Variants in R3HDM2 observed in about 807,000 individuals in gnomAD.
The protein encoded by R3HDM2 is R3H domain-containing protein 2.
A neutral mutation model predicts 124.5 loss-of-function variants in R3HDM2; 38 were observed. The ratio of observed to expected loss-of-function variants is 0.31; its 90% CI spans 0.24 to 0.40. The LOEUF (loss-of-function observed/expected upper bound fraction) is 0.40, where lower values mean the gene tolerates loss of function less well. R3HDM2 is among the 10% of genes least tolerant of loss of function. R3HDM2 has a pLI of 1.00. For synonymous variants in R3HDM2, 391 were observed against 448.0 expected (o/e 0.87, Z 1.61); for missense variants, 869 against 1,236.9 (o/e 0.70, Z 4.46).
chr12:57,287,902 T>A (rs904517452), intron 12 of R3HDM2, among the ~76,000 whole-genome samples: 1 of 151,974 alleles, frequency 6.6e-6, no homozygotes, highest in African/African-American at 2.4e-5. Context: ...TGGAGGACAC[T>A]GGGAACTGGG....
Position 57,296,263 on chromosome 12 carries a change from C to G in R3HDM2, c.701+148G>C, listed in dbSNP as rs2049859253. On this transcript the variant is annotated intron_variant, in intron 9 of 23. Transcript: ENST00000402412. The surrounding 1 kb of genome is among the most constrained non-coding windows in gnomAD (Gnocchi z 4.5). Reference sequence around the variant, plus strand: ...GAACTCCTGGCTTCAAGCAGTCTTCCCATCTTGGCCTCCCAAAGTGCTGGG... The same window carrying G: ...GAACTCCTGGCTTCAAGCAGTCTTCGCATCTTGGCCTCCCAAAGTGCTGGG... 1 of 846,362 alleles carries G rather than the reference C, an allele frequency of 1.2e-6. No individual in the cohort carries two copies. Among genetic ancestry groups the G allele is most frequent in the Non-Finnish European group, 1.8e-6 (1 of 551,436 alleles). 52.4% of individuals were successfully genotyped at this position (846,362 alleles called of 1,614,324 possible).
Position 57,254,008 on chromosome 12 carries a change from T to A in R3HDM2, c.*765A>T. The A allele has an allele frequency of 2.5e-6, 1 of 394,506 alleles. No individual in the cohort carries two copies. The highest frequency in any genetic ancestry group is 3.8e-5 in the Admixed American group (1 of 26,616). The allele number at this position is 394,506 out of a possible 1,614,324, so 24.4% of individuals were successfully genotyped here. ...CTCTGTGGGGTCTAGGAAGACAAGATGGGGAAGTGAGAGAATGGGGCAATC... is the reference window on the plus strand; with the variant it reads ...CTCTGTGGGGTCTAGGAAGACAAGAAGGGGAAGTGAGAGAATGGGGCAATC... On this transcript the variant is annotated 3_prime_UTR_variant, in exon 24 of 24. Transcript: ENST00000402412.
In R3HDM2 at chr12:57,280,522, G is replaced by A; in HGVS notation, c.1180C>T (p.Leu394=). The A allele has an allele frequency of 1.2e-6, 2 of 1,602,238 alleles. No individual in the cohort carries two copies. Among genetic ancestry groups the A allele is most frequent in the Non-Finnish European group, 8.5e-7 (1 of 1,173,808 alleles). ...AGRISRPGMA[L]GAPEVCNQVT... is the part of the protein sequence containing the mutation. ...TGGTTGCACACTTCTGGGGCACCTA[G>A]TGCCATACCTAAGGCAAAGAAGAAA... The change falls in exon 14 of 24, where the codon CTA becomes TTA. Residue 394 remains leucine, a synonymous_variant. Transcript: ENST00000402412.
chr12:57,374,731 C>T (rs1271641593), intron 2 of R3HDM2, among the ~76,000 whole-genome samples: 2 of 143,052 alleles, frequency 1.4e-5, no homozygotes, highest in African/African-American at 2.6e-5. Flanking sequence ...CGGTGGCTCA[C>T]GCCTGTAATA....
chr12:57,374,168 A>G (rs2063733573), intron 2 of R3HDM2, among the ~76,000 whole-genome samples: 1 of 151,976 alleles, frequency 6.6e-6, no homozygotes, highest in South Asian at 2.1e-4. Context: ...CACTCTTAAC[A>G]ATGAAAATAC....
intron 2 of R3HDM2, among the ~76,000 whole-genome samples, chr12:57,339,784 G>C (rs115659065): frequency 0.01 from 1,538 of 152,032 alleles, 18 homozygotes; most frequent in African/African-American, 0.036. Context: ...AGATATCAGA[G>C]AGAAGAGAAT....
At chr12:57,277,319 G>A (rs2045064514) in intron 14 of R3HDM2, among the ~76,000 whole-genome samples, 2 of 152,070 alleles carry the variant, frequency 1.3e-5, no homozygotes. Flanking sequence ...ACAATTTGAA[G>A]GCCTGCTTGG....
chr12:57,264,026 T>C (rs2041590561), intron 19 of R3HDM2, among the ~76,000 whole-genome samples: 1 of 152,002 alleles, frequency 6.6e-6, no homozygotes, highest in Admixed American at 6.6e-5. Flanking sequence ...GGGCAGATCA[T>C]GAGGTCAGGA....
At position 57,254,269 on chromosome 12, in the gene R3HDM2, G is replaced by A. The variant is rs868500726; in HGVS notation, c.*504C>T. On this transcript the variant is annotated 3_prime_UTR_variant, in exon 24 of 24. Transcript: ENST00000402412. ...TAATCCCAGCACTCTGGAAGGCCAA[G>A]GCAGGTGGATCACCTGAGGTCAGGA... 6 of 452,272 alleles carry A rather than the reference G, an allele frequency of 1.3e-5. No homozygotes were observed. The highest frequency in any genetic ancestry group is 5.9e-4 in the Middle Eastern group (1 of 1,690). 28.0% of individuals were successfully genotyped at this position (452,272 alleles called of 1,614,324 possible). A position where few individuals can be genotyped will look rare whatever the true frequency, so the allele number is the denominator to read the frequency against.
In R3HDM2 at chr12:57,299,408, T is replaced by C. The variant is rs2050625971; in HGVS notation, c.365A>G (p.Glu122Gly). Reference sequence around the variant, plus strand: ...TTTGTTTTTGTCCTTGTCTTCCTTTTCAGAGACATCTTTTGTGGACTTTTC... The same window carrying C: ...TTTGTTTTTGTCCTTGTCTTCCTTTCCAGAGACATCTTTTGTGGACTTTTC... ...EEEKSTKDVS[E>G]KEDKDKNKEK... Residue 122 changes from glutamate to glycine, a missense_variant, in exon 6 of 24, where the codon GAA (glutamate) becomes GGA (glycine). Transcript: ENST00000402412. 6.5e-7 allele frequency: 1 copy of C among 1,546,236 alleles called. No individual in the cohort carries two copies. Among genetic ancestry groups the C allele is most frequent in the Non-Finnish European group, 8.8e-7 (1 of 1,141,732 alleles).
Position 57,254,582 on chromosome 12 carries a change from C to A in R3HDM2, c.*191G>T, listed in dbSNP as rs2136887683. ...GGTCAACCAGGGAAAAAGAGAGGAC[C>A]CATGGCAGGGGAGCAAGAAGGAGTC... On this transcript the variant is annotated 3_prime_UTR_variant, in exon 24 of 24. Coordinates refer to ENST00000402412, the MANE Select transcript of R3HDM2 (RefSeq NM_001394031.1). 1 of 553,206 alleles carries A rather than the reference C, an allele frequency of 1.8e-6. No individual in the cohort carries two copies. Among genetic ancestry groups the A allele is most frequent in the East Asian group, 3.2e-5 (1 of 31,704 alleles). The allele number at this position is 553,206 out of a possible 1,614,324, so 34.3% of individuals were successfully genotyped here. A position where few individuals can be genotyped will look rare whatever the true frequency, so the allele number is the denominator to read the frequency against.
Position 57,341,386 on chromosome 12 carries a change from C to T in R3HDM2, c.-35-30923G>A, listed in dbSNP as rs189754925. ...TCAAGTCACAGAAGGAAGAACGCAC[C>T]GCTTCAGATGGATTTTTCTTCTTCC... is the stretch of plus-strand genomic sequence containing the variant. On this transcript the variant is annotated intron_variant, in intron 2 of 23. Coordinates refer to ENST00000402412, the MANE Select transcript of R3HDM2 (RefSeq NM_001394031.1). 74 of 982,268 alleles carry T rather than the reference C, an allele frequency of 7.5e-5. No homozygotes were observed. The African/African-American group carries it at 1.1e-3, about 14-fold the overall frequency. The allele number at this position is 982,268 out of a possible 1,614,324, so 60.8% of individuals were successfully genotyped here. A position where few individuals can be genotyped will look rare whatever the true frequency, so the allele number is the denominator to read the frequency against.
intron 1 of R3HDM2, chr12:57,430,452 G>A (rs1015217882): frequency 3.3e-6 from 3 of 918,386 alleles, no homozygotes; most frequent in Non-Finnish European, 3.9e-6. Flanking sequence ...TAGTTTTTAG[G>A]TCACCCCGCA....
intron 2 of R3HDM2, among the ~76,000 whole-genome samples, chr12:57,354,984 CA>C (rs1423137302): frequency 6.6e-6 from 1 of 151,858 alleles, no homozygotes; most frequent in African/African-American, 2.4e-5. Context: ...GCCACCATGC[CA>C]GGCTAGTTTT....
At chr12:57,427,392 C>T (rs1446895930) in intron 1 of R3HDM2, among the ~76,000 whole-genome samples, 1 of 147,362 alleles carries the variant, frequency 6.8e-6, no homozygotes, top group African/African-American at 2.5e-5. Context: ...GTCTGTTGCC[C>T]AGGCTGGAGT....
At chr12:57,331,410 C>T (rs911691950) in intron 2 of R3HDM2, among the ~76,000 whole-genome samples, 1 of 152,134 alleles carries the variant, frequency 6.6e-6, no homozygotes, top group Non-Finnish European at 1.5e-5. Context: ...TTATTTTTCT[C>T]GTCGTTTATC....
At chr12:57,404,486 A>C (rs1043885063) in intron 1 of R3HDM2, among the ~76,000 whole-genome samples, 1 of 151,768 alleles carries the variant, frequency 6.6e-6, no homozygotes, top group Non-Finnish European at 1.5e-5. Flanking sequence ...TCACGAGGTC[A>C]AGAGATCGAG....
intron 1 of R3HDM2, among the ~76,000 whole-genome samples, chr12:57,415,665 C>G (rs866115394): frequency 3.3e-5 from 5 of 150,642 alleles, no homozygotes; most frequent in Non-Finnish European, 5.9e-5. Context: ...TCAATTTAAC[C>G]AAGCAGACAT....
chr12:57,258,118 C>T lies in R3HDM2; in HGVS notation c.2321G>A (p.Ser774Asn). The T allele has an allele frequency of 6.4e-7, 1 of 1,569,636 alleles. No homozygotes were observed. The highest frequency in any genetic ancestry group is 1.2e-5 in the South Asian group (1 of 84,944). The change falls in exon 21 of 24, where the codon AGC becomes AAC. Residue 774 changes from serine to asparagine, a missense_variant. Ser to Asn is a conservative substitution (Grantham distance 46, BLOSUM62 1). Coordinates refer to ENST00000402412, the MANE Select transcript of R3HDM2 (RefSeq NM_001394031.1). ...CTGGGTAGGAGATGTGACAGGGCTG[C>T]TGCTCATTTGTGTGTTGGCCTGTGG... ...SSPQANTQMS[S>N]SPVTSPTQSP...
Sources: allele counts gnomAD v4.1 joint callset (sites outside exome capture counted in the v4.1 genomes callset), GRCh38; gene constraint gnomAD v4.1.1; non-coding constraint Gnocchi (gnomAD v3.1); transcripts MANE v1.5; gene names NCBI Gene and HGNC (gene_info 2026-07-23, HGNC 2026-07-21).